The following ZNF525 variants were observed in gnomAD, a reference collection of about 807,000 sequenced individuals.
The protein encoded by ZNF525 is zinc finger protein 525.
Under a neutral mutation model 37.6 loss-of-function variants are expected in ZNF525, and 33 were observed. The ratio of observed to expected loss-of-function variants is 0.88; its 90% CI spans 0.67 to 1.17. The LOEUF (loss-of-function observed/expected upper bound fraction) is 1.17, where lower values mean the gene tolerates loss of function less well. Among genes scored for constraint, ZNF525 ranks in the 50% most tolerant of loss-of-function variants. The pLI, the probability that ZNF525 is intolerant of heterozygous loss-of-function variation, is 0.00. For synonymous variants in ZNF525, 170 were observed against 182.3 expected, an observed-to-expected ratio of 0.93 and a Z score of 0.54; for missense variants, 449 against 543.1, an observed-to-expected ratio of 0.83 and a Z score of 1.72.
At chr19:53,366,790 G>T (rs2085450032) in intron 1 of ZNF525, among the ~76,000 whole-genome samples, 1 of 124,648 alleles carries the variant, frequency 8.0e-6, no homozygotes, top group African/African-American at 3.1e-5. Flanking sequence ...GTGCCAGAGA[G>T]TGGGGACAGG....
intron 1 of ZNF525, among the ~76,000 whole-genome samples, chr19:53,370,629 A>AG (rs1164739995): frequency 6.6e-6 from 1 of 151,972 alleles, no homozygotes; most frequent in Non-Finnish European, 1.5e-5. Flanking sequence ...CTTCTGGGAG[A>AG]GGGGAGTGCC....
intron 3 of ZNF525, among the ~76,000 whole-genome samples, chr19:53,376,675 G>A (rs1295397509): frequency 6.6e-6 from 1 of 152,098 alleles, no homozygotes; most frequent in African/African-American, 2.4e-5. Context: ...CCACATCTCG[G>A]GCTCAAACAA....
chr19:53,382,475 TAA>T lies in ZNF525; in HGVS notation c.*458_*459del, dbSNP rs2085574079. 5.1e-5 allele frequency: 36 copies of T among 705,706 alleles called. No homozygotes were observed. The highest frequency in any genetic ancestry group is 1.3e-5 in the Non-Finnish European group (5 of 384,936). The allele number at this position is 705,706 out of a possible 1,614,324, so 43.7% of individuals were successfully genotyped here. The stretch of plus-strand genomic sequence containing the variant: ...GCCATCATAGACTTCATACTGGAAA[TAA>T]ATCTTATAAGTGTAATGAGTGTGGC... On this transcript the variant is annotated 3_prime_UTR_variant, in exon 4 of 4. Transcript: ENST00000474037.
chr19:53,383,135 A>T lies in ZNF525; in HGVS notation c.*1116A>T, dbSNP rs2085579759. On this transcript the variant is annotated 3_prime_UTR_variant, in exon 4 of 4. Coordinates refer to ENST00000474037, the MANE Select transcript of ZNF525 (RefSeq NM_001348156.2). ...CCTTGCACGTCATCATAGAACTCAT[A>T]CTGGAGAGAAACATTACAAGTGTAA... The T allele has an allele frequency of 7.6e-7, 1 of 1,324,210 alleles. No homozygotes were observed. The highest frequency in any genetic ancestry group is 1.5e-5 in the African/African-American group (1 of 68,586). 82.0% of individuals were successfully genotyped at this position (1,324,210 alleles called of 1,614,324 possible).
At chr19:53,366,540 GA>G (rs57967171) in intron 1 of ZNF525, among the ~76,000 whole-genome samples, 11,954 of 123,982 alleles carry the variant, frequency 0.096, 681 homozygotes, top group East Asian at 0.21. Flanking sequence ...CAGCAAAAGT[GA>G]AAAAAAAAAA....
intron 1 of ZNF525, among the ~76,000 whole-genome samples, chr19:53,367,181 T>C (rs1419328701): frequency 2.0e-5 from 3 of 152,126 alleles, no homozygotes; most frequent in South Asian, 4.1e-4. Context: ...TGTCAGGAGC[T>C]CATTCCTTTG....
rs761744024 is a variant in ZNF525 at position 53,380,900 on chromosome 19, T to C, written c.321T>C (p.Asn107=). The C allele has an allele frequency of 7.4e-6, 11 of 1,484,804 alleles. No individual in the cohort carries two copies. The highest frequency in any genetic ancestry group is 1.7e-4 in the Middle Eastern group (1 of 5,836). 92.0% of individuals were successfully genotyped at this position (1,484,804 alleles called of 1,614,324 possible). A position where few individuals can be genotyped will look rare whatever the true frequency, so the allele number is the denominator to read the frequency against. Reference sequence around the variant, plus strand: ...TTCAGTGGCAAGAAGATGAAAGAAATGGCCATGAAGCACCCATGACAAAAA... The same window carrying C: ...TTCAGTGGCAAGAAGATGAAAGAAACGGCCATGAAGCACCCATGACAAAAA... ...FEFQWQEDER[N]GHEAPMTKIK... The change falls in exon 4 of 4, where the codon AAT becomes AAC. Residue 107 remains asparagine (N), a synonymous_variant. Coordinates refer to ENST00000474037, the MANE Select transcript of ZNF525 (RefSeq NM_001348156.2).
At position 53,381,035 on chromosome 19, in the gene ZNF525, C is replaced by T. The variant is rs761806969; in HGVS notation, c.456C>T (p.His152=). The T allele has an allele frequency of 1.3e-6, 2 of 1,557,922 alleles. No homozygotes were observed. The highest frequency in any genetic ancestry group is 1.1e-5 in the South Asian group (1 of 89,882). The change falls in exon 4 of 4, where the codon CAC becomes CAT. Residue 152 remains histidine (H), a synonymous_variant. Transcript: ENST00000474037. ...TTCATTCACATCTGTCTGAACTCCA[C>T]ATATTTCAGCCCAAAGGGAAAATTA... ...SSFHSHLSEL[H]IFQPKGKINN...
chr19:53,372,190 T>TA, intron 1 of ZNF525, 25 bp from the exon 2 acceptor site: 1 of 669,756 alleles, frequency 1.5e-6, no homozygotes, highest in Non-Finnish European at 2.7e-6. Flanking sequence ...TTCTGAGCAA[T>TA]AAACAACATA....
At position 53,381,043 on chromosome 19, in the gene ZNF525, A is replaced by G. The variant is rs1433662668; in HGVS notation, c.464A>G (p.Gln155Arg). ...CATCTGTCTGAACTCCACATATTTC[A>G]GCCCAAAGGGAAAATTAATAATCAA... Reference protein sequence around the residue: ...HSHLSELHIFQPKGKINNQVE... With the variant: ...HSHLSELHIFRPKGKINNQVE... The change falls in exon 4 of 4, where the codon CAG (glutamine) becomes CGG (arginine). Residue 155 changes from glutamine to arginine, a missense_variant. Gln to Arg is a conservative substitution (Grantham distance 43, BLOSUM62 1). This residue lies in a region of ZNF525 where 271 missense variants were observed against 381.6 expected (regional missense o/e 0.71). Transcript: ENST00000474037. 14 of 1,545,988 alleles carry G rather than the reference A, an allele frequency of 9.1e-6. No individual in the cohort carries two copies. The highest frequency in any genetic ancestry group is 1.3e-5 in the Non-Finnish European group (14 of 1,118,114).
Position 53,380,858 on chromosome 19 carries a change from T to G in ZNF525, c.279T>G (p.Asp93Glu), listed in dbSNP as rs1459131947. 6.9e-7 allele frequency: 1 copy of G among 1,459,096 alleles called. No homozygotes were observed. The highest frequency in any genetic ancestry group is 1.7e-5 in the Admixed American group (1 of 59,824). 90.4% of individuals were successfully genotyped at this position (1,459,096 alleles called of 1,614,324 possible). A position where few individuals can be genotyped will look rare whatever the true frequency, so the allele number is the denominator to read the frequency against. ...GDFSFQEIEKDIHNFEFQWQE... is the reference protein window; with the variant it reads ...GDFSFQEIEKEIHNFEFQWQE... ...TTTCCTTCCAGGAAATTGAGAAAGATATTCATAACTTTGAGTTTCAGTGGC... is the reference window on the plus strand; with the variant it reads ...TTTCCTTCCAGGAAATTGAGAAAGAGATTCATAACTTTGAGTTTCAGTGGC... The change falls in exon 4 of 4, where the codon GAT (aspartate) becomes GAG (glutamate). Residue 93 changes from aspartate (D) to glutamate (E), a missense_variant. By Grantham distance (45) the Asp-to-Glu change is conservative (BLOSUM62 2). This residue lies in a region of ZNF525 where 271 missense variants were observed against 381.6 expected (regional missense o/e 0.71). Transcript: ENST00000474037.
intron 1 of ZNF525, among the ~76,000 whole-genome samples, chr19:53,371,973 G>C (rs1178922891): frequency 1.3e-5 from 2 of 152,108 alleles, no homozygotes; most frequent in Non-Finnish European, 2.9e-5. Flanking sequence ...GGTCAGGTCT[G>C]GGTCGGTGCC....
rs780081844 is a variant in ZNF525 at position 53,381,576 on chromosome 19, G to A, written c.997G>A (p.Gly333Ser). ...GEKPHKCNEC[G>S]KTFSQKSYLA... is the part of the protein sequence containing the mutation. ...GAAACCACATAAGTGTAATGAGTGT[G>A]GCAAGACCTTTAGTCAGAAGTCATA... The change falls in exon 4 of 4, where the codon GGC becomes AGC. Residue 333 changes from glycine (G) to serine (S), a missense_variant. Gly to Ser is a moderately conservative substitution (Grantham distance 56). This residue lies in a region of ZNF525 where 178 missense variants were observed against 161.5 expected (regional missense o/e 1.10). Transcript: ENST00000474037. 3 of 1,159,200 alleles carry A rather than the reference G, an allele frequency of 2.6e-6. No homozygotes were observed. Among genetic ancestry groups the A allele is most frequent in the Non-Finnish European group, 3.9e-6 (3 of 764,312 alleles). The allele number at this position is 1,159,200 out of a possible 1,614,324, so 71.8% of individuals were successfully genotyped here.
chr19:53,377,395 T>G (rs2085529759), intron 3 of ZNF525, among the ~76,000 whole-genome samples: 1 of 152,104 alleles, frequency 6.6e-6, no homozygotes, highest in Non-Finnish European at 1.5e-5. Context: ...AGGCTTTTCT[T>G]GAACTCCCGC....
chr19:53,369,040 A>G lies in ZNF525; in HGVS notation c.-67-3175A>G, dbSNP rs76164792. On this transcript the variant is annotated intron_variant, in intron 1 of 3. Transcript: ENST00000474037. Reference sequence around the variant, plus strand: ...ATAGGTAGGTTACCATAGACAGATGAGTCTAGGTCTGCTGATGACAAGCAT... The same window carrying G: ...ATAGGTAGGTTACCATAGACAGATGGGTCTAGGTCTGCTGATGACAAGCAT... 5.9e-3 allele frequency among the ~76,000 whole-genome samples: 892 copies of G among 152,280 alleles called. 34 individuals are homozygous for G. The East Asian group carries it at 0.099, about 17-fold the overall frequency.
At position 53,377,959 on chromosome 19, in the gene ZNF525, G is replaced by A. The variant is rs535707748; in HGVS notation, c.142+2063G>A. ...AAACTTCCTTTGTTTAATTAGATTT[G>A]TCAGCCTTCAGTGATGTGAATCATG... is the stretch of plus-strand genomic sequence containing the variant. On this transcript the variant is annotated intron_variant, in intron 3 of 3. Coordinates refer to ENST00000474037, the MANE Select transcript of ZNF525 (RefSeq NM_001348156.2). Among the ~76,000 whole-genome samples, 6 of 152,242 alleles carry A rather than the reference G, an allele frequency of 3.9e-5. No homozygotes were observed. The South Asian group carries it at 1.2e-3, about 32-fold the overall frequency.
chr19:53,372,333 T>C, intron 2 of ZNF525, 37 bp downstream of exon 2: 1 of 770,156 alleles, frequency 1.3e-6, no homozygotes, highest in South Asian at 1.4e-5. Context: ...TCTGTCTCCT[T>C]CCTTTCAGAA....
chr19:53,385,006 C>T lies in ZNF525; in HGVS notation c.*2987C>T, dbSNP rs904715815. ...TGACTGGATTTTGAATTTTGTGGAA[C>T]GCTTTTTCTCCATCTACTAAGGTGA... is the stretch of plus-strand genomic sequence containing the variant. On this transcript the variant is annotated 3_prime_UTR_variant, in exon 4 of 4. Transcript: ENST00000474037. 3.7e-5 allele frequency: 26 copies of T among 701,446 alleles called. No individual in the cohort carries two copies. The highest frequency in any genetic ancestry group is 7.0e-5 in the African/African-American group (4 of 57,268). 43.5% of individuals were successfully genotyped at this position (701,446 alleles called of 1,614,324 possible). A position where few individuals can be genotyped will look rare whatever the true frequency, so the allele number is the denominator to read the frequency against.
At position 53,369,602 on chromosome 19, in the gene ZNF525, G is replaced by A. The variant is rs977350571; in HGVS notation, c.-67-2613G>A. On this transcript the variant is annotated intron_variant, in intron 1 of 3. Coordinates refer to ENST00000474037, the MANE Select transcript of ZNF525 (RefSeq NM_001348156.2). Reference sequence around the variant, plus strand: ...TGACCTTCTTTTCACTGTTTTTAAGGTCAATAGCTGTGGGTTCGCACTTCT... The same window carrying A: ...TGACCTTCTTTTCACTGTTTTTAAGATCAATAGCTGTGGGTTCGCACTTCT... Among the ~76,000 whole-genome samples, 3 of 147,414 alleles carry A rather than the reference G, an allele frequency of 2.0e-5. 1 individual carries two copies. Among genetic ancestry groups the A allele is most frequent in the Non-Finnish European group, 3.0e-5 (2 of 67,140 alleles).
Sources: allele counts gnomAD v4.1 joint callset (sites outside exome capture counted in the v4.1 genomes callset), GRCh38; gene constraint gnomAD v4.1.1; regional missense constraint gnomAD v4.1.1; transcripts MANE v1.5; gene names NCBI Gene and HGNC (gene_info 2026-07-23, HGNC 2026-07-21).